The following C2 variants were observed in gnomAD, a reference collection of about 807,000 sequenced individuals.
The protein encoded by C2 is C3/C5 convertase.
C2 carries 64 observed loss-of-function variants against 85.2 expected under a neutral mutation model. That is an observed-to-expected ratio of 0.75 (90% confidence interval 0.61 to 0.92). The LOEUF is 0.92. Among genes scored for constraint, C2 ranks in the 40% least tolerant of loss-of-function variants. C2 has a pLI of 0.00. For missense variants in C2, 820 were observed against 971.6 expected (o/e 0.84, Z 2.07); for synonymous variants, 311 against 370.8 (o/e 0.84, Z 1.85).
chr6:31,935,071 C>G lies in C2; in HGVS notation c.849+772C>G. On this transcript the variant is annotated intron_variant, in intron 6 of 17. Coordinates refer to ENST00000299367, the MANE Select transcript of C2 (RefSeq NM_000063.6). This position sits in a 1 kb window ranked among gnomAD's most constrained non-coding sequence, Gnocchi z 4.3. ...ATGTGTGATAGAAGTTTGGAAGCCA[C>G]TGGTTTAAGTTCCTCGCCAGAACTT... 1.0e-6 allele frequency: 1 copy of G among 973,436 alleles called. No homozygotes were observed. Among genetic ancestry groups the G allele is most frequent in the Non-Finnish European group, 1.2e-6 (1 of 819,082 alleles). 60.3% of individuals were successfully genotyped at this position (973,436 alleles called of 1,614,324 possible). A position where few individuals can be genotyped will look rare whatever the true frequency, so the allele number is the denominator to read the frequency against.
At chr6:31,934,538 T>A (rs1463665820) in intron 6 of C2, 1 of 1,388,600 alleles carries the variant, frequency 7.2e-7, no homozygotes, top group African/African-American at 1.4e-5. Flanking sequence ...AAGGCTGAGG[T>A]CTTACTTTCC....
At chr6:31,936,202 C>T (rs533764524) in intron 7 of C2, 141 bp downstream of exon 7, 18 of 875,068 alleles carry the variant, frequency 2.1e-5, no homozygotes, top group African/African-American at 1.2e-4. Flanking sequence ...GTAGTTTCAA[C>T]GTCCAGGGTT....
intron 1 of C2, among the ~76,000 whole-genome samples, chr6:31,902,352 T>A (rs368261075): frequency 5.9e-5 from 9 of 151,576 alleles, no homozygotes; most frequent in Non-Finnish European, 8.8e-5. Flanking sequence ...CGGCTGCCCA[T>A]GGCGCTACTC....
chr6:31,925,904 C>T (rs1769230785), upstream of C2, among the ~76,000 whole-genome samples: 1 of 152,174 alleles, frequency 6.6e-6, no homozygotes, highest in Admixed American at 6.5e-5. Flanking sequence ...GACATCAACA[C>T]TGTGTCAGAC....
At position 31,928,725 on chromosome 6, in the gene C2, T is replaced by C; in HGVS notation, c.257-7T>C. The C allele has an allele frequency of 6.2e-7, 1 of 1,614,156 alleles. No individual in the cohort carries two copies. The highest frequency in any genetic ancestry group is 8.5e-7 in the Non-Finnish European group (1 of 1,179,996). On this transcript the variant is annotated splice_polypyrimidine_tract_variant and splice_region_variant and intron_variant, in intron 2 of 17. Coordinates refer to ENST00000299367, the MANE Select transcript of C2 (RefSeq NM_000063.6). ...CTATATTCCCCACCCACTTCCTCTCTCTCCAGCTGTGCGCTGTCCAGCCCC... is the reference window on the plus strand; with the variant it reads ...CTATATTCCCCACCCACTTCCTCTCCCTCCAGCTGTGCGCTGTCCAGCCCC...
At position 31,935,909 on chromosome 6, in the gene C2, C is replaced by T; in HGVS notation, c.850-14C>T. 6.2e-7 allele frequency: 1 copy of T among 1,612,886 alleles called. No individual in the cohort carries two copies. The highest frequency in any genetic ancestry group is 8.5e-7 in the Non-Finnish European group (1 of 1,179,994). On this transcript the variant is annotated splice_polypyrimidine_tract_variant and intron_variant, in intron 6 of 17. Coordinates refer to ENST00000299367, the MANE Select transcript of C2 (RefSeq NM_000063.6). The surrounding 1 kb of genome is among the most constrained non-coding windows in gnomAD (Gnocchi z 4.3). The stretch of plus-strand genomic sequence containing the variant: ...TCAGGGCCCTTTACGCTGCCTCTCA[C>T]TTGCCCCGCACAGATCTTCAGCTTT...
intron 6 of C2, chr6:31,934,913 C>A: frequency 8.2e-6 from 2 of 242,604 alleles, no homozygotes; most frequent in Non-Finnish European, 1.3e-5. Context: ...GAGGATGAGG[C>A]AGGAGAATCG....
At chr6:31,941,836 T>TG (rs1770908496) in intron 9 of C2, 1 of 146,774 alleles carries the variant, frequency 6.8e-6, no homozygotes, top group Non-Finnish European at 1.5e-5. Context: ...TTTTTTTTTT[T>TG]GAGATGGAGT....
chr6:31,939,341 C>A, intron 9 of C2, 21 bp downstream of exon 9: 1 of 1,565,490 alleles, frequency 6.4e-7, no homozygotes, highest in Non-Finnish European at 8.8e-7. Context: ...GCCACTGCCA[C>A]CACATTTGTT....
chr6:31,929,026 G>C, intron 3 of C2, 109 bp downstream of exon 3: 1 of 1,007,568 alleles, frequency 9.9e-7, no homozygotes, highest in Non-Finnish European at 1.5e-6. Flanking sequence ...CTGTTGTTCA[G>C]TGTGCCATAA....
At position 31,939,268 on chromosome 6, in the gene C2, T is replaced by G; in HGVS notation, c.1167T>G (p.Val389=). ...TGGGTGGCTCTCCCAAGACAGCTGT[T>G]GACCATATCAGAGAGATCCTGAACA... The part of the protein sequence containing the change: ...SNMGGSPKTA[V]DHIREILNIN... The change falls in exon 9 of 18, where the codon GTT becomes GTG. Residue 389 remains valine, a synonymous_variant. Coordinates refer to ENST00000299367, the MANE Select transcript of C2 (RefSeq NM_000063.6). 6.2e-7 allele frequency: 1 copy of G among 1,612,694 alleles called. No individual in the cohort carries two copies. Among genetic ancestry groups the G allele is most frequent in the Non-Finnish European group, 8.5e-7 (1 of 1,179,910 alleles).
intron 3 of C2, among the ~76,000 whole-genome samples, chr6:31,932,035 G>A (rs9718200): frequency 0.014 from 1,825 of 132,110 alleles, 3 homozygotes; most frequent in African/African-American, 0.025. Flanking sequence ...TGGCCGGGCA[G>A]AGGGGCTCCT....
In C2 at chr6:31,927,968, G is replaced by C. The variant is rs766410942; in HGVS notation, c.60G>C (p.Ser20=). The change falls in exon 2 of 18, where the codon TCG becomes TCC. Residue 20 remains serine (S), a synonymous_variant. Transcript: ENST00000299367. The surrounding 1 kb of genome is among the most constrained non-coding windows in gnomAD (Gnocchi z 4.7). The part of the protein sequence containing the change: ...LLFLYPGLAD[S]APSCPQNVNI... ...CCACGGCTCTAGGTCTGGCAGACTC[G>C]GCTCCCTCCTGCCCTCAGAACGTGA... 3 of 1,613,956 alleles carry C rather than the reference G, an allele frequency of 1.9e-6. No individual in the cohort carries two copies. Among genetic ancestry groups the C allele is most frequent in the Non-Finnish European group, 2.5e-6 (3 of 1,179,984 alleles).
rs372178773 is a variant in C2 at position 31,933,691 on chromosome 6, A to G, written c.524A>G (p.Tyr175Cys). 4.3e-6 allele frequency: 7 copies of G among 1,613,092 alleles called. No homozygotes were observed. Among genetic ancestry groups the G allele is most frequent in the Non-Finnish European group, 5.9e-6 (7 of 1,180,044 alleles). ...FRFGHGDKVR[Y>C]RCSSNLVLTG... is the part of the protein sequence containing the mutation. ...TTTGGTCATGGGGACAAGGTCCGCT[A>G]TCGCTGCTCCTCGAATCTTGTGCTC... Residue 175 changes from tyrosine (Y) to cysteine (C), a missense_variant, in exon 4 of 18, where the codon TAT becomes TGT. Physicochemically the swap from Tyr to Cys is radical, Grantham distance 194 (BLOSUM62 -2). Transcript: ENST00000299367.
chr6:31,915,519 G>A (rs557465031), upstream of C2, among the ~76,000 whole-genome samples: 659 of 152,290 alleles, frequency 4.3e-3, 5 homozygotes, highest in African/African-American at 0.014. Flanking sequence ...GTATCAGTCA[G>A]GATGGCTACA....
At chr6:31,911,960 A>C in intron 1 of C2, among the ~76,000 whole-genome samples, 1 of 125,308 alleles carries the variant, frequency 8.0e-6, no homozygotes, top group Admixed American at 9.3e-5. Context: ...CCAATTTGAG[A>C]CCGGGTCACT....
At chr6:31,928,700 C>A in intron 2 of C2, 32 bp from the exon 3 acceptor site, 1 of 1,611,900 alleles carries the variant, frequency 6.2e-7, no homozygotes, top group Non-Finnish European at 8.5e-7. Context: ...CCATCCAGTC[C>A]TATATTCCCC....
At chr6:31,940,447 C>T (rs638383) in intron 9 of C2, among the ~76,000 whole-genome samples, 7,724 of 152,322 alleles carry the variant, frequency 0.051, 263 homozygotes, top group African/African-American at 0.095. Flanking sequence ...CAGTTGCAGC[C>T]TCTAAAGGAA....
At chr6:31,901,432 C>G in intron 1 of C2, 1 of 1,071,840 alleles carries the variant, frequency 9.3e-7, no homozygotes, top group Non-Finnish European at 1.3e-6. Context: ...ATCCGATCTC[C>G]CGGTCTTCAG....
Sources: allele counts gnomAD v4.1 joint callset (sites outside exome capture counted in the v4.1 genomes callset), GRCh38; gene constraint gnomAD v4.1.1; non-coding constraint Gnocchi (gnomAD v3.1); transcripts MANE v1.5; gene names NCBI Gene and HGNC (gene_info 2026-07-23, HGNC 2026-07-21).